The following NBAS variants were observed in gnomAD, a reference collection of about 807,000 sequenced individuals.
The protein encoded by NBAS is NBAS subunit of NRZ tethering complex, also known as NAG/BC035112 fusion.
In NBAS, 219 loss-of-function variants were observed where a neutral mutation model predicts 302.5. The ratio of observed to expected loss-of-function variants is 0.72; its 90% CI spans 0.65 to 0.81. The LOEUF is 0.81. Among genes scored for constraint, NBAS ranks in the 30% least tolerant of loss-of-function variants. The pLI is 0.00. For missense variants in NBAS, 2,932 were observed against 2,841.6 expected (o/e 1.03, Z -0.72); for synonymous variants, 1,118 against 1,021.6 (o/e 1.09, Z -1.80).
intron 9 of NBAS, among the ~76,000 whole-genome samples, chr2:15,524,296 A>G (rs562075071): frequency 6.6e-6 from 1 of 152,342 alleles, no homozygotes; most frequent in African/African-American, 2.4e-5. Context: ...CCTGGCTGCC[A>G]AGATGATGGT....
At chr2:15,285,782 A>G (rs1367116008) in intron 42 of NBAS, among the ~76,000 whole-genome samples, 1 of 152,140 alleles carries the variant, frequency 6.6e-6, no homozygotes, top group East Asian at 1.9e-4. Context: ...CCTCCTGAGT[A>G]GCTGGGATTA....
At chr2:15,233,543 A>G (rs1459204926) in intron 46 of NBAS, among the ~76,000 whole-genome samples, 1 of 152,204 alleles carries the variant, frequency 6.6e-6, no homozygotes, top group African/African-American at 2.4e-5. Context: ...ACCATAAACC[A>G]AAAGGTATGA....
chr2:14,932,889 A>G, the NBAS span, among the ~76,000 whole-genome samples: 1 of 152,232 alleles, frequency 6.6e-6, no homozygotes, highest in Non-Finnish European at 1.5e-5. Flanking sequence ...TCTGATAATG[A>G]AAAAAGGCAT....
At chr2:15,080,956 C>T in the NBAS span, among the ~76,000 whole-genome samples, 1 of 152,152 alleles carries the variant, frequency 6.6e-6, no homozygotes, top group African/African-American at 2.4e-5. Context: ...GAAACAAACC[C>T]AGCCCTTGAT....
At chr2:15,174,916 A>G (rs77933161) in intron 51 of NBAS, among the ~76,000 whole-genome samples, 4,176 of 152,322 alleles carry the variant, frequency 0.027, 80 homozygotes, top group African/African-American at 0.054. Flanking sequence ...GATGGTAATT[A>G]TTGTCATCAA....
intron 35 of NBAS, among the ~76,000 whole-genome samples, chr2:15,333,807 T>C (rs559681506): frequency 3.4e-5 from 5 of 147,018 alleles, no homozygotes; most frequent in Admixed American, 6.8e-5. Flanking sequence ...TAAACTATAA[T>C]TGTTTGTGAA....
the NBAS span, among the ~76,000 whole-genome samples, chr2:15,012,279 A>G: frequency 1.7e-3 from 265 of 152,278 alleles, no homozygotes; most frequent in Non-Finnish European, 2.9e-3. Flanking sequence ...AATAAAAAAT[A>G]CAGTCAAGAG....
At chr2:14,977,756 G>A in the NBAS span, among the ~76,000 whole-genome samples, 937 of 152,172 alleles carry the variant, frequency 6.2e-3, 14 homozygotes, top group African/African-American at 0.02. Context: ...AAGAGAACAG[G>A]GTCAAGTTTC....
chr2:15,323,457 G>A (rs1558534298), intron 38 of NBAS, among the ~76,000 whole-genome samples: 1 of 152,172 alleles, frequency 6.6e-6, no homozygotes, highest in East Asian at 1.9e-4. Context: ...TCAGTATGAA[G>A]AATGGACACA....
At chr2:15,451,895 G>T (rs6723148) in intron 21 of NBAS, among the ~76,000 whole-genome samples, 91,894 of 151,740 alleles carry the variant, frequency 0.61, 28,792 homozygotes, top group Non-Finnish European at 0.68. Context: ...CAGTTTTGCA[G>T]CATAAACAGA....
At chr2:15,031,342 C>T in the NBAS span, among the ~76,000 whole-genome samples, 9 of 152,168 alleles carry the variant, frequency 5.9e-5, no homozygotes, top group African/African-American at 1.2e-4. Context: ...ACTTAAGAAC[C>T]ATAATCTCAA....
chr2:14,812,965 T>G, the NBAS span, among the ~76,000 whole-genome samples: 3 of 152,084 alleles, frequency 2.0e-5, no homozygotes, highest in Non-Finnish European at 4.4e-5. Flanking sequence ...TGTTTAAAAG[T>G]GTGTAGCACT....
chr2:15,511,336 CCAA>C lies in NBAS; in HGVS notation c.758_760del (p.Val253del). On this transcript the variant is annotated inframe_deletion, in exon 10 of 52. Transcript: ENST00000281513. ...GCCTACTTCAGCAGTTTCACATCCA[CCAA>C]CAAGTAAAAGTCTAAAAAGGAGAAA... is the stretch of plus-strand genomic sequence containing the variant. 1 of 1,613,832 alleles carries C rather than the reference CCAA, an allele frequency of 6.2e-7. No individual in the cohort carries two copies. The highest frequency in any genetic ancestry group is 8.5e-7 in the Non-Finnish European group (1 of 1,179,918).
At chr2:15,344,322 G>A (rs1257594985) in intron 35 of NBAS, among the ~76,000 whole-genome samples, 2 of 151,788 alleles carry the variant, frequency 1.3e-5, no homozygotes, top group Admixed American at 1.3e-4. Context: ...ATGATAAAGG[G>A]GATATCACCA....
At chr2:15,117,224 G>T in the NBAS span, among the ~76,000 whole-genome samples, 2 of 152,166 alleles carry the variant, frequency 1.3e-5, no homozygotes, top group East Asian at 3.8e-4. Flanking sequence ...CACACTGGGG[G>T]CAACATAACC....
At chr2:15,105,182 C>T in the NBAS span, among the ~76,000 whole-genome samples, 447 of 152,194 alleles carry the variant, frequency 2.9e-3, 1 homozygote, top group African/African-American at 0.01. Flanking sequence ...ACTGCATGTT[C>T]TCACTCATAA....
chr2:15,501,295 GA>G (rs1261534140), intron 11 of NBAS, among the ~76,000 whole-genome samples: 1 of 149,862 alleles, frequency 6.7e-6, no homozygotes, highest in Non-Finnish European at 1.5e-5. Flanking sequence ...AAAAAAAAAA[GA>G]TAATATTATA....
chr2:15,130,781 C>G, the NBAS span, among the ~76,000 whole-genome samples: 1 of 152,228 alleles, frequency 6.6e-6, no homozygotes, highest in African/African-American at 2.4e-5. Flanking sequence ...TGACCCCTCC[C>G]ATCCTCAGGG....
At chr2:15,213,093 T>G (rs187987505) in intron 48 of NBAS, among the ~76,000 whole-genome samples, 4 of 152,328 alleles carry the variant, frequency 2.6e-5, no homozygotes, top group African/African-American at 9.6e-5. Flanking sequence ...TTGTATTGTG[T>G]TATTATTTCC....
Sources: gnomAD v4.1 joint callset for allele counts (sites outside exome capture counted in the v4.1 genomes callset) on GRCh38, gnomAD v4.1.1 for gene constraint, MANE v1.5 for transcripts, NCBI Gene and HGNC (gene_info 2026-07-23, HGNC 2026-07-21) for gene names.